BMPER: variants seen among roughly 807,000 people sequenced by gnomAD.
BMPER encodes the protein BMP-binding endothelial regulator protein.
Under a neutral mutation model 87.3 loss-of-function variants are expected in BMPER, and 45 were observed. That is an observed-to-expected ratio of 0.52 (90% CI 0.41 to 0.66). BMPER has a LOEUF of 0.66. Among genes scored for constraint, BMPER ranks in the 30% least tolerant of loss-of-function variants. BMPER has a pLI of 0.00. For missense variants in BMPER, 784 were observed against 867.5 expected (o/e 0.90, Z 1.21); for synonymous variants, 326 against 316.2 (o/e 1.03, Z -0.33).
At position 34,093,685 on chromosome 7, in the gene BMPER, A is replaced by G. The variant is rs73112324; in HGVS notation, c.1745+7593A>G. 7.6e-3 allele frequency among the ~76,000 whole-genome samples: 1,155 copies of G among 152,334 alleles called. 4 individuals are homozygous for G. The highest frequency in any genetic ancestry group is 0.013 in the Non-Finnish European group (873 of 68,024). On this transcript the variant is annotated intron_variant, in intron 13 of 14. Coordinates refer to ENST00000649409, the MANE Select transcript of BMPER (RefSeq NM_001365308.1). ...ATTTAGCTCTAAGTTTATTTTAAGCATAAACATCCTGGAATTTTATAGTGT... is the reference window on the plus strand; with the variant it reads ...ATTTAGCTCTAAGTTTATTTTAAGCGTAAACATCCTGGAATTTTATAGTGT...
At chr7:34,129,610 A>AGAGAGAGAGAGAGAGAGAGAGAG (rs1790507400) in intron 13 of BMPER, among the ~76,000 whole-genome samples, 1 of 69,636 alleles carries the variant, frequency 1.4e-5, no homozygotes, top group Non-Finnish European at 3.0e-5. Flanking sequence ...GAGAGAGAGA[A>AGAGAGAGAGAGAGAGAGAGAGAG]AGAGAGAGAG....
At chr7:34,012,231 T>C (rs1585735987) in intron 6 of BMPER, among the ~76,000 whole-genome samples, 4 of 151,946 alleles carry the variant, frequency 2.6e-5, no homozygotes, top group Admixed American at 2.6e-4. Context: ...TGATTTCCTA[T>C]GAGGGATTTC....
At chr7:33,930,923 C>T (rs1026834994) in intron 2 of BMPER, among the ~76,000 whole-genome samples, 5 of 152,170 alleles carry the variant, frequency 3.3e-5, no homozygotes, top group African/African-American at 1.2e-4. Context: ...GCATTCCAGC[C>T]TGGGTGATGG....
At chr7:33,937,712 ATG>A (rs1337475926) in intron 3 of BMPER, among the ~76,000 whole-genome samples, 1 of 68,044 alleles carries the variant, frequency 1.5e-5, no homozygotes, top group Non-Finnish European at 3.4e-5. Flanking sequence ...ACACACACAC[ATG>A]AGCATATTTT....
Position 34,041,721 on chromosome 7 carries a change from C to G in BMPER, c.577-4585C>G, listed in dbSNP as rs114776543. The stretch of plus-strand genomic sequence containing the variant: ...ACTAAAGACGTATTTCTCCCCTACA[C>G]TGCCCCCTCCAACTTCTCTCTCTTT... On this transcript the variant is annotated intron_variant, in intron 6 of 14. Transcript: ENST00000649409. Among the ~76,000 whole-genome samples the G allele has an allele frequency of 5.5e-3, 840 of 152,282 alleles. 5 individuals carry two copies. The highest frequency in any genetic ancestry group is 0.019 in the African/African-American group (791 of 41,558).
At chr7:33,980,102 T>C (rs1370565927) in intron 6 of BMPER, among the ~76,000 whole-genome samples, 1 of 152,244 alleles carries the variant, frequency 6.6e-6, no homozygotes, top group African/African-American at 2.4e-5. Context: ...CCTAACGTTT[T>C]TAGGTGTGAC....
chr7:34,051,486 T>C (rs1788144664), intron 7 of BMPER, among the ~76,000 whole-genome samples: 1 of 152,160 alleles, frequency 6.6e-6, no homozygotes, highest in South Asian at 2.1e-4. Flanking sequence ...CCACAGTTTC[T>C]AGATCGTCTT....
chr7:33,937,613 G>C, intron 3 of BMPER: 1 of 555,192 alleles, frequency 1.8e-6, no homozygotes, highest in Non-Finnish European at 3.3e-6. Context: ...ATGAAAGTAT[G>C]TGAGCATCTT....
At chr7:33,907,004 C>A in intron 2 of BMPER, 101 bp downstream of exon 2, 3 of 1,178,066 alleles carry the variant, frequency 2.5e-6, no homozygotes, top group Non-Finnish European at 3.7e-6. Flanking sequence ...TTGTCTTTAT[C>A]ATTACAAAAT....
At chr7:33,957,452 C>G (rs1038893271) in intron 3 of BMPER, among the ~76,000 whole-genome samples, 3 of 151,232 alleles carry the variant, frequency 2.0e-5, no homozygotes, top group African/African-American at 7.3e-5. Flanking sequence ...GAGACAGAAG[C>G]AAGAAGCAAA....
chr7:34,048,178 C>T (rs1365518506), intron 7 of BMPER, among the ~76,000 whole-genome samples: 2 of 151,992 alleles, frequency 1.3e-5, no homozygotes, highest in African/African-American at 4.8e-5. Context: ...TTTTCTCGTT[C>T]CCAAATTAGC....
At chr7:33,907,405 C>T (rs1338719457) in intron 2 of BMPER, among the ~76,000 whole-genome samples, 1 of 152,068 alleles carries the variant, frequency 6.6e-6, no homozygotes, top group African/African-American at 2.4e-5. Flanking sequence ...GTTTCTTTGC[C>T]TGTTATACCC....
chr7:34,006,536 C>A (rs911918426), intron 6 of BMPER, among the ~76,000 whole-genome samples: 2 of 152,034 alleles, frequency 1.3e-5, no homozygotes, highest in Non-Finnish European at 2.9e-5. Flanking sequence ...CTCCAGAAGT[C>A]AAAATTGCTA....
intron 3 of BMPER, among the ~76,000 whole-genome samples, chr7:33,962,044 C>T (rs1444911186): frequency 6.6e-6 from 1 of 152,130 alleles, no homozygotes; most frequent in Non-Finnish European, 1.5e-5. Context: ...AGGCCAATGC[C>T]ATTTTTTATG....
chr7:34,086,058 T>G lies in BMPER; in HGVS notation c.1711T>G (p.Cys571Gly). ...QKLKSWEFQT[C>G]HSTVDYATFY... Reference sequence around the variant, plus strand: ...GCTCAAATCCTGGGAGTTTCAGACCTGCCACTCGACTGTGGACTACGCCAC... The same window carrying G: ...GCTCAAATCCTGGGAGTTTCAGACCGGCCACTCGACTGTGGACTACGCCAC... The change falls in exon 13 of 15, where the codon TGC (cysteine) becomes GGC (glycine). Residue 571 changes from cysteine to glycine, a missense_variant. Transcript: ENST00000649409. 5 of 1,613,902 alleles carry G rather than the reference T, an allele frequency of 3.1e-6. No individual in the cohort carries two copies. Among genetic ancestry groups the G allele is most frequent in the Non-Finnish European group, 3.4e-6 (4 of 1,179,996 alleles).
chr7:33,996,622 G>C (rs958846940), intron 6 of BMPER, among the ~76,000 whole-genome samples: 6 of 152,130 alleles, frequency 3.9e-5, no homozygotes, highest in African/African-American at 1.4e-4. Flanking sequence ...CACCATTCTA[G>C]TAATATTCTA....
intron 13 of BMPER, among the ~76,000 whole-genome samples, chr7:34,088,056 A>T (rs569386313): frequency 6.6e-6 from 1 of 152,344 alleles, no homozygotes; most frequent in South Asian, 2.1e-4. Context: ...TAATGATTCT[A>T]CAGCATCTAC....
chr7:33,920,028 G>A (rs1377997559), intron 2 of BMPER, among the ~76,000 whole-genome samples: 1 of 152,140 alleles, frequency 6.6e-6, no homozygotes, highest in East Asian at 1.9e-4. Context: ...TTAGATGAAA[G>A]TGTGAATGAA....
chr7:33,946,051 A>G (rs1314032480), intron 3 of BMPER, among the ~76,000 whole-genome samples: 1 of 152,200 alleles, frequency 6.6e-6, no homozygotes, highest in African/African-American at 2.4e-5. Context: ...GGTAACTTAT[A>G]AAGAAAAGAG....
Sources: allele counts gnomAD v4.1 joint callset (sites outside exome capture counted in the v4.1 genomes callset), GRCh38; gene constraint gnomAD v4.1.1; transcripts MANE v1.5; gene names NCBI Gene and HGNC (gene_info 2026-07-23, HGNC 2026-07-21).